The following ARB2A variants were observed in gnomAD, a reference collection of about 807,000 sequenced individuals.
The protein encoded by ARB2A is ARB2 cotranscriptional regulator A.
the ARB2A span, among the ~76,000 whole-genome samples, chr5:93,821,272 C>G: frequency 6.6e-6 from 1 of 151,974 alleles, no homozygotes; most frequent in Non-Finnish European, 1.5e-5. Flanking sequence ...CATTCAAACA[C>G]GACGCTACAA....
chr5:93,990,486 T>C, the ARB2A span, among the ~76,000 whole-genome samples: 4 of 151,904 alleles, frequency 2.6e-5, no homozygotes, highest in African/African-American at 9.7e-5. Context: ...CATAATGATG[T>C]AGGTTCTACT....
chr5:93,870,734 G>C, the ARB2A span, among the ~76,000 whole-genome samples: 1 of 152,298 alleles, frequency 6.6e-6, no homozygotes, highest in East Asian at 1.9e-4. Flanking sequence ...CATAAGGGGG[G>C]GTGGAAGTGG....
At chr5:93,843,264 A>G in the ARB2A span, among the ~76,000 whole-genome samples, 1 of 152,330 alleles carries the variant, frequency 6.6e-6, no homozygotes, top group East Asian at 1.9e-4. Context: ...ATTATTAGAC[A>G]TATGGAAAAT....
the ARB2A span, among the ~76,000 whole-genome samples, chr5:93,936,211 T>C: frequency 6.6e-6 from 1 of 152,198 alleles, no homozygotes; most frequent in Non-Finnish European, 1.5e-5. Context: ...TACAGAATAT[T>C]ACACATTATT....
At chr5:94,068,023 T>C in the ARB2A span, among the ~76,000 whole-genome samples, 1 of 152,178 alleles carries the variant, frequency 6.6e-6, no homozygotes, top group Non-Finnish European at 1.5e-5. Flanking sequence ...TCCCAGCACT[T>C]TGGGAGGCCG....
the ARB2A span, among the ~76,000 whole-genome samples, chr5:93,773,476 A>G: frequency 6.6e-6 from 1 of 152,212 alleles, no homozygotes; most frequent in African/African-American, 2.4e-5. Context: ...ATGATCACCT[A>G]ATTCAGGCAG....
chr5:93,985,847 C>T, the ARB2A span, among the ~76,000 whole-genome samples: 1 of 151,984 alleles, frequency 6.6e-6, no homozygotes, highest in African/African-American at 2.4e-5. Flanking sequence ...GCCGCCACCC[C>T]GTCTGGGAAG....
the ARB2A span, among the ~76,000 whole-genome samples, chr5:93,944,863 A>C: frequency 3.9e-5 from 6 of 152,174 alleles, no homozygotes; most frequent in Non-Finnish European, 8.8e-5. Flanking sequence ...CATTACAGCA[A>C]AAATTCAAAC....
chr5:93,984,773 A>C, the ARB2A span, among the ~76,000 whole-genome samples: 1 of 152,222 alleles, frequency 6.6e-6, no homozygotes, highest in Non-Finnish European at 1.5e-5. Context: ...ACCACAATAC[A>C]GGTGCACAAT....
the ARB2A span, among the ~76,000 whole-genome samples, chr5:93,939,912 T>C: frequency 1.3e-5 from 2 of 152,032 alleles, no homozygotes; most frequent in Non-Finnish European, 2.9e-5. Context: ...TTAAACCTTA[T>C]GATCTTATAA....
chr5:93,693,776 G>A, the ARB2A span, among the ~76,000 whole-genome samples: 1 of 152,040 alleles, frequency 6.6e-6, no homozygotes, highest in Non-Finnish European at 1.5e-5. Flanking sequence ...CATGAACATC[G>A]ATGCGAAAAT....
At chr5:93,681,067 G>A in the ARB2A span, among the ~76,000 whole-genome samples, 1 of 152,100 alleles carries the variant, frequency 6.6e-6, no homozygotes, top group Non-Finnish European at 1.5e-5. Context: ...ATGTGTTAAT[G>A]TGTAGTGTAT....
the ARB2A span, among the ~76,000 whole-genome samples, chr5:93,983,183 GT>G: frequency 4.9e-5 from 1 of 20,460 alleles, no homozygotes; most frequent in East Asian, 1.4e-3. Flanking sequence ...GTGTGTGTGT[GT>G]GTGTGTGTGT....
At chr5:93,626,663 G>A in the ARB2A span, among the ~76,000 whole-genome samples, 2 of 152,170 alleles carry the variant, frequency 1.3e-5, no homozygotes, top group African/African-American at 4.8e-5. Flanking sequence ...GACATTGTAA[G>A]TACCTTAATT....
chr5:93,713,216 C>A, the ARB2A span, among the ~76,000 whole-genome samples: 12 of 152,154 alleles, frequency 7.9e-5, no homozygotes, highest in South Asian at 2.3e-3. Flanking sequence ...GGTGTCAGAT[C>A]AAGTTTAAAA....
the ARB2A span, among the ~76,000 whole-genome samples, chr5:93,761,054 A>AC: frequency 6.6e-6 from 1 of 152,290 alleles, no homozygotes; most frequent in South Asian, 2.1e-4. Context: ...CAAATCAGTA[A>AC]GGAAAAAACA....
At chr5:93,770,498 G>A in the ARB2A span, among the ~76,000 whole-genome samples, 2 of 152,070 alleles carry the variant, frequency 1.3e-5, no homozygotes, top group Admixed American at 6.6e-5. Context: ...ATTCAATTAG[G>A]AAAAGAGGAA....
chr5:93,870,699 CTAG>C, the ARB2A span, among the ~76,000 whole-genome samples: 1 of 152,172 alleles, frequency 6.6e-6, no homozygotes, highest in East Asian at 1.9e-4. Context: ...CCAAACTATA[CTAG>C]TAGTCATAGT....
chr5:93,932,478 A>T, the ARB2A span, among the ~76,000 whole-genome samples: 1 of 152,210 alleles, frequency 6.6e-6, no homozygotes, highest in Non-Finnish European at 1.5e-5. Context: ...TTTAAAAATT[A>T]TTTGAAGATA....
Sources: gnomAD v4.1 joint callset for allele counts (sites outside exome capture counted in the v4.1 genomes callset) on GRCh38, gnomAD v4.1.1 for gene constraint, MANE v1.5 for transcripts, NCBI Gene and HGNC (gene_info 2026-07-23, HGNC 2026-07-21) for gene names.